The following NDUFV3 variants were observed in gnomAD, a reference collection of about 807,000 sequenced individuals.
NDUFV3 encodes NADH:ubiquinone oxidoreductase subunit V3.
NDUFV3 carries 44 observed loss-of-function variants against 37.5 expected under a neutral mutation model. The observed-to-expected ratio is 1.17, with a 90% CI of 0.92 to 1.51. The LOEUF is 1.51. NDUFV3 is among the 40% of genes most tolerant of loss of function. The pLI is 0.00. For missense variants in NDUFV3, 580 were observed against 580.4 expected (o/e 1.00, Z 0.01); for synonymous variants, 235 against 239.3 (o/e 0.98, Z 0.17).
In NDUFV3 at chr21:42,910,322, CAAAA is replaced by C. The variant is rs540382630; in HGVS notation, c.*1306_*1309del. The C allele has an allele frequency of 6.6e-6, 1 of 150,856 alleles. No individual in the cohort carries two copies. 9.3% of individuals were successfully genotyped at this position (150,856 alleles called of 1,614,324 possible). On this transcript the variant is annotated 3_prime_UTR_variant, in exon 4 of 4. Coordinates refer to ENST00000354250, the MANE Select transcript of NDUFV3 (RefSeq NM_021075.4). ...CTGGGCAACAGGAGTGAAACTCAAT[CAAAA>C]AAAAGGAACAGGAATGTTACTAATT...
intron 1 of NDUFV3, 130 bp downstream of exon 1, chr21:42,893,511 C>G (rs1248248917): frequency 9.3e-7 from 1 of 1,075,332 alleles, no homozygotes; most frequent in Non-Finnish European, 1.3e-6. Flanking sequence ...GGCCGCTGAC[C>G]CCGCTCCCTG....
chr21:42,896,812 C>T (rs1371495191), intron 1 of NDUFV3, 115 bp from the exon 2 acceptor site: 2 of 1,099,648 alleles, frequency 1.8e-6, no homozygotes, highest in African/African-American at 3.2e-5. Flanking sequence ...GCACTCCAGC[C>T]TGGACGACTG....
chr21:42,908,262 C>T lies in NDUFV3; in HGVS notation c.1265-602C>T, dbSNP rs555187562. Among the ~76,000 whole-genome samples the T allele has an allele frequency of 5.9e-5, 9 of 151,902 alleles. No individual in the cohort carries two copies. The South Asian group carries it at 1.9e-3, about 32-fold the overall frequency. ...GTGGAGGTTTGCAGTGAGCTGAGAT[C>T]GCACCGCTGCACTCCAGCCTAGACA... is the stretch of plus-strand genomic sequence containing the variant. On this transcript the variant is annotated intron_variant, in intron 3 of 3. Coordinates refer to ENST00000354250, the MANE Select transcript of NDUFV3 (RefSeq NM_021075.4).
chr21:42,906,666 G>T (rs4148975), intron 3 of NDUFV3, among the ~76,000 whole-genome samples: 6 of 152,208 alleles, frequency 3.9e-5, no homozygotes, highest in Non-Finnish European at 7.3e-5. Flanking sequence ...GTGCGCATGC[G>T]CAGAGCCCAC....
chr21:42,906,378 C>G (rs1395377731), intron 3 of NDUFV3, among the ~76,000 whole-genome samples: 1 of 152,096 alleles, frequency 6.6e-6, no homozygotes, highest in African/African-American at 2.4e-5. Flanking sequence ...TTACATGACG[C>G]CTTCTTGTTC....
chr21:42,906,924 A>G (rs1438415509), intron 3 of NDUFV3: 1 of 511,380 alleles, frequency 2.0e-6, no homozygotes, highest in Non-Finnish European at 3.9e-6. Flanking sequence ...TTTTTGCTTA[A>G]CGTAACTTAA....
chr21:42,903,670 G>A lies in NDUFV3; in HGVS notation c.658G>A (p.Asp220Asn). The change falls in exon 3 of 4, where the codon GAT becomes AAT. Residue 220 changes from aspartate (D) to asparagine (N), a missense_variant. Physicochemically the swap from Asp to Asn is conservative, Grantham distance 23. Transcript: ENST00000354250. ...GCAGAAGCCGCATGTGGACATTACT[G>A]ATCCAGAGAAGCCCCACCAGCCAAA... is the stretch of plus-strand genomic sequence containing the variant. The part of the protein sequence containing the change: ...LLQKPHVDIT[D>N]PEKPHQPKKK... The A allele has an allele frequency of 6.2e-7, 1 of 1,614,060 alleles. No homozygotes were observed. The highest frequency in any genetic ancestry group is 8.5e-7 in the Non-Finnish European group (1 of 1,180,012).
chr21:42,893,842 GC>G (rs1236982911), intron 1 of NDUFV3, among the ~76,000 whole-genome samples: 1 of 152,258 alleles, frequency 6.6e-6, no homozygotes, highest in African/African-American at 2.4e-5. Flanking sequence ...CTTACTGACA[GC>G]CGTTGAGAAG....
Position 42,904,053 on chromosome 21 carries a change from T to A in NDUFV3, c.1041T>A (p.Pro347=). ...CAGAGCCCCAGCGCAAGGCGGCCCC[T>A]CCCCTGCCCAGAAAGGAAACCTCAG... ...PVPEPQRKAA[P]PLPRKETSGT... Residue 347 remains proline (P), a synonymous_variant, in exon 3 of 4, where the codon CCT becomes CCA. Transcript: ENST00000354250. The A allele has an allele frequency of 6.2e-7, 1 of 1,614,000 alleles. No individual in the cohort carries two copies. The highest frequency in any genetic ancestry group is 8.5e-7 in the Non-Finnish European group (1 of 1,179,994).
rs937448205 is a variant in NDUFV3, at chr21:42,909,546, C to G, written c.*525C>G. The G allele has an allele frequency of 6.4e-5, 12 of 186,668 alleles. No individual in the cohort carries two copies. The highest frequency in any genetic ancestry group is 6.4e-4 in the Admixed American group (12 of 18,778). 11.6% of individuals were successfully genotyped at this position (186,668 alleles called of 1,614,324 possible). A position where few individuals can be genotyped will look rare whatever the true frequency, so the allele number is the denominator to read the frequency against. Reference sequence around the variant, plus strand: ...ATGTGCAAGGAATTTTTCTTAAACTCTAAGGTTATGAATCACTGGGCAAAT... The same window carrying G: ...ATGTGCAAGGAATTTTTCTTAAACTGTAAGGTTATGAATCACTGGGCAAAT... On this transcript the variant is annotated 3_prime_UTR_variant, in exon 4 of 4. Transcript: ENST00000354250.
intron 2 of NDUFV3, among the ~76,000 whole-genome samples, chr21:42,897,605 C>T (rs1423196342): frequency 6.6e-6 from 1 of 152,170 alleles, no homozygotes; most frequent in East Asian, 1.9e-4. Context: ...AATCTCCTGA[C>T]CTTGTTATCC....
chr21:42,905,504 TTTTGTTTG>T (rs201425165), intron 3 of NDUFV3, among the ~76,000 whole-genome samples: 49 of 152,172 alleles, frequency 3.2e-4, no homozygotes, highest in African/African-American at 1.1e-3. Context: ...ATGAAGGGTT[TTTTGTTTG>T]TTTGTTTGTT....
At chr21:42,906,589 G>A (rs2058742941) in intron 3 of NDUFV3, among the ~76,000 whole-genome samples, 1 of 152,220 alleles carries the variant, frequency 6.6e-6, no homozygotes, top group African/African-American at 2.4e-5. Flanking sequence ...GGAGTTTTCA[G>A]ACTGCAAACC....
chr21:42,904,551 C>T (rs370243769), intron 3 of NDUFV3, among the ~76,000 whole-genome samples: 4 of 139,004 alleles, frequency 2.9e-5, no homozygotes, highest in African/African-American at 1.1e-4. Flanking sequence ...AGTGCAGTGG[C>T]GCGATCTCTG....
chr21:42,899,343 C>T (rs1381393143), intron 2 of NDUFV3, among the ~76,000 whole-genome samples: 1 of 84,810 alleles, frequency 1.2e-5, no homozygotes, highest in African/African-American at 8.7e-5. Context: ...GATCTCAGCT[C>T]ACCACAACCT....
chr21:42,901,975 A>G (rs903653293), intron 2 of NDUFV3, among the ~76,000 whole-genome samples: 2 of 152,176 alleles, frequency 1.3e-5, no homozygotes, highest in Admixed American at 6.5e-5. Context: ...TTGGGAGGCC[A>G]AGGCGGGCAG....
At chr21:42,896,151 ATTTTTTTTTT>A (rs143845594) in intron 1 of NDUFV3, among the ~76,000 whole-genome samples, 1 of 90,940 alleles carries the variant, frequency 1.1e-5, no homozygotes, top group Non-Finnish European at 2.0e-5. Flanking sequence ...GCCTGGCTAA[ATTTTTTTTTT>A]TTTTTTTTTT....
chr21:42,896,534 T>A (rs1395202607), intron 1 of NDUFV3, among the ~76,000 whole-genome samples: 1 of 151,810 alleles, frequency 6.6e-6, no homozygotes, highest in African/African-American at 2.4e-5. Flanking sequence ...CACCTCAGCC[T>A]CCCAAAGTGC....
At chr21:42,907,448 ATTTTTT>A (rs749048453) in intron 3 of NDUFV3, among the ~76,000 whole-genome samples, 2 of 123,336 alleles carry the variant, frequency 1.6e-5, no homozygotes, top group Non-Finnish European at 1.6e-5. Context: ...TGCCCTACTA[ATTTTTT>A]TTTTTTTTTT....
Sources: gnomAD v4.1 joint callset for allele counts (sites outside exome capture counted in the v4.1 genomes callset) on GRCh38, gnomAD v4.1.1 for gene constraint, MANE v1.5 for transcripts, NCBI Gene and HGNC (gene_info 2026-07-23, HGNC 2026-07-21) for gene names.